The following DIS3L2 variants were observed in gnomAD, a reference collection of about 807,000 sequenced individuals.
DIS3L2 encodes the protein DIS3 like 3'-5' exoribonuclease 2.
Under a neutral mutation model 97.5 loss-of-function variants are expected in DIS3L2, and 34 were observed. The observed-to-expected ratio is 0.35, with a 90% CI of 0.27 to 0.46. The LOEUF is 0.46. Ranked by LOEUF, DIS3L2 falls within the 20% of genes least tolerant of loss-of-function variation. The pLI is 1.00. For missense variants in DIS3L2, 1,038 were observed against 1,146.0 expected, an observed-to-expected ratio of 0.91 and a Z score of 1.36; for synonymous variants, 435 against 445.2, an observed-to-expected ratio of 0.98 and a Z score of 0.29.
At chr2:232,221,525 T>C (rs1299989435) in intron 10 of DIS3L2, among the ~76,000 whole-genome samples, 1 of 152,188 alleles carries the variant, frequency 6.6e-6, no homozygotes, top group Non-Finnish European at 1.5e-5. Flanking sequence ...AAATTCCAGC[T>C]GGGCACAGTG....
rs113187393 is a variant in DIS3L2, at chr2:231,992,124, A to G, written c.-93-22711A>G. 4.6e-3 allele frequency among the ~76,000 whole-genome samples: 702 copies of G among 152,308 alleles called. 7 individuals carry two copies. Among genetic ancestry groups the G allele is most frequent in the African/African-American group, 0.015 (644 of 41,574 alleles). On this transcript the variant is annotated intron_variant, in intron 1 of 20. Transcript: ENST00000325385. Reference sequence around the variant, plus strand: ...CACTGTGTATTCTGTGGAACCTGCTATCAAAGATTTCGTGGTCAAATAGAT... The same window carrying G: ...CACTGTGTATTCTGTGGAACCTGCTGTCAAAGATTTCGTGGTCAAATAGAT...
chr2:232,326,938 C>T (rs376508079), intron 14 of DIS3L2, among the ~76,000 whole-genome samples: 21 of 152,292 alleles, frequency 1.4e-4, no homozygotes, highest in African/African-American at 4.6e-4. Flanking sequence ...GAGCAGGTAG[C>T]GGAGTTGCCA....
chr2:232,251,767 A>C (rs1693424115), intron 12 of DIS3L2, among the ~76,000 whole-genome samples: 1 of 152,218 alleles, frequency 6.6e-6, no homozygotes, highest in South Asian at 2.1e-4. Flanking sequence ...CAGTGAAGCA[A>C]AGCTTTCTAA....
chr2:232,279,002 A>G (rs1302858419), intron 13 of DIS3L2, among the ~76,000 whole-genome samples: 1 of 152,148 alleles, frequency 6.6e-6, no homozygotes, highest in Non-Finnish European at 1.5e-5. Flanking sequence ...CAATGGTACA[A>G]TCTTGGCTCA....
At chr2:232,191,441 A>G (rs1003319361) in intron 9 of DIS3L2, among the ~76,000 whole-genome samples, 2 of 152,200 alleles carry the variant, frequency 1.3e-5, no homozygotes, top group Non-Finnish European at 2.9e-5. Flanking sequence ...AAAAAAAATT[A>G]TAATTATAAA....
intron 6 of DIS3L2, among the ~76,000 whole-genome samples, chr2:232,124,239 A>G (rs550417902): frequency 1.3e-5 from 2 of 152,276 alleles, no homozygotes; most frequent in Admixed American, 1.3e-4. Context: ...CAAAAATATC[A>G]TCAGATACTA....
intron 7 of DIS3L2, among the ~76,000 whole-genome samples, chr2:232,132,843 GGACTGCGACTCTC>G (rs1178583112): frequency 5.9e-5 from 9 of 152,014 alleles, no homozygotes; most frequent in African/African-American, 2.2e-4. Flanking sequence ...TGTTTCTGTG[GGACTGCGACTCTC>G]GTCTACCCAG....
intron 9 of DIS3L2, 124 bp from the exon 10 acceptor site, chr2:232,210,202 G>A: frequency 1.4e-6 from 1 of 694,356 alleles, no homozygotes; most frequent in Non-Finnish European, 2.6e-6. Context: ...TCTCGTAGAA[G>A]TTATTTTTCA....
intron 6 of DIS3L2, among the ~76,000 whole-genome samples, chr2:232,113,461 T>G (rs192286007): frequency 7.2e-5 from 11 of 152,340 alleles, no homozygotes; most frequent in Non-Finnish European, 5.9e-5. Flanking sequence ...ATGAATATGC[T>G]TAGACAGTTG....
At chr2:232,309,156 G>C (rs1695058994) in intron 14 of DIS3L2, among the ~76,000 whole-genome samples, 1 of 152,202 alleles carries the variant, frequency 6.6e-6, no homozygotes, top group African/African-American at 2.4e-5. Flanking sequence ...TTGAGCAGCT[G>C]AGCCACAACT....
At chr2:232,082,141 C>T (rs1696422727) in intron 5 of DIS3L2, among the ~76,000 whole-genome samples, 1 of 152,194 alleles carries the variant, frequency 6.6e-6, no homozygotes, top group Non-Finnish European at 1.5e-5. Flanking sequence ...AGAGAGTACA[C>T]AGGTTTTGAG....
chr2:232,106,908 G>A (rs1420471367), intron 6 of DIS3L2, among the ~76,000 whole-genome samples: 5 of 152,180 alleles, frequency 3.3e-5, no homozygotes, highest in South Asian at 2.1e-4. Context: ...CAAATGGTCT[G>A]TCGGACCACA....
chr2:232,176,189 C>CGCCTGGCTAATTTTTGTAT (rs1691146928), intron 9 of DIS3L2, among the ~76,000 whole-genome samples: 1 of 152,238 alleles, frequency 6.6e-6, no homozygotes, highest in African/African-American at 2.4e-5. Flanking sequence ...CCGCACCCGG[C>CGCCTGGCTAATTTTTGTAT]TTCTTCCTAG....
At chr2:232,169,695 T>C (rs1690927965) in intron 9 of DIS3L2, among the ~76,000 whole-genome samples, 1 of 152,174 alleles carries the variant, frequency 6.6e-6, no homozygotes, top group Admixed American at 6.5e-5. Context: ...CTGTCCTGGG[T>C]CATCCTGCCT....
intron 8 of DIS3L2, among the ~76,000 whole-genome samples, chr2:232,138,358 A>G (rs1259246427): frequency 5.9e-5 from 9 of 152,308 alleles, no homozygotes; most frequent in African/African-American, 2.2e-4. Context: ...CAAAATAAAA[A>G]ATGAAGATAA....
rs1694802920 is a variant in DIS3L2, at chr2:232,031,497, T to C, written c.366+1417T>C. On this transcript the variant is annotated intron_variant, in intron 5 of 20. Transcript: ENST00000325385. ...TTAGTGCTGTGAAGTGCAGGGTTTC[T>C]TTTTTTTTTTTTTTATATTATACCC... 2.8e-5 allele frequency among the ~76,000 whole-genome samples: 3 copies of C among 107,928 alleles called. No homozygotes were observed. The South Asian group carries it at 8.9e-4, about 32-fold the overall frequency. 70.8% of individuals were successfully genotyped at this position (107,928 alleles called of 152,430 possible).
At chr2:232,108,468 G>A (rs574939794) in intron 6 of DIS3L2, among the ~76,000 whole-genome samples, 1 of 152,252 alleles carries the variant, frequency 6.6e-6, no homozygotes, top group East Asian at 1.9e-4. Context: ...ACCCTCGTAA[G>A]ACAAGGTTAC....
chr2:232,009,505 C>T (rs1694139005), intron 1 of DIS3L2, among the ~76,000 whole-genome samples: 2 of 151,978 alleles, frequency 1.3e-5, no homozygotes, highest in Admixed American at 6.6e-5. Flanking sequence ...GTATTTGCCT[C>T]CTGGGTCAGC....
intron 14 of DIS3L2, among the ~76,000 whole-genome samples, chr2:232,327,169 C>T (rs145898328): frequency 0.011 from 1,725 of 152,320 alleles, 32 homozygotes; most frequent in African/African-American, 0.038. Flanking sequence ...GGCATGGGCA[C>T]AGAGGAGTAA....
Sources: allele counts gnomAD v4.1 joint callset (sites outside exome capture counted in the v4.1 genomes callset), GRCh38; gene constraint gnomAD v4.1.1; transcripts MANE v1.5; gene names NCBI Gene and HGNC (gene_info 2026-07-23, HGNC 2026-07-21).